The following CNTN5 variants were observed in gnomAD, a reference collection of about 807,000 sequenced individuals.
CNTN5 encodes the protein contactin 5, also known as contactin-5.
CNTN5 carries 77 observed loss-of-function variants against 129.1 expected under a neutral mutation model. That is an observed-to-expected ratio of 0.60 (90% CI 0.50 to 0.72). The LOEUF (loss-of-function observed/expected upper bound fraction) is 0.72. Ranked by LOEUF, CNTN5 falls within the 30% of genes least tolerant of loss-of-function variation. CNTN5 has a pLI of 0.00. For synonymous variants in CNTN5, 509 were observed against 465.6 expected (o/e 1.09, Z -1.20); for missense variants, 1,478 against 1,328.8 (o/e 1.11, Z -1.75).
intron 6 of CNTN5, among the ~76,000 whole-genome samples, chr11:99,902,781 C>A (rs1949392859): frequency 6.6e-6 from 1 of 151,914 alleles, no homozygotes. Context: ...GAGTATTACC[C>A]AAAGATTATT....
intron 6 of CNTN5, among the ~76,000 whole-genome samples, chr11:99,858,252 G>A (rs1422902107): frequency 6.6e-6 from 1 of 152,090 alleles, no homozygotes; most frequent in Admixed American, 6.6e-5. Flanking sequence ...TCTATAAACT[G>A]TCAGTAAAGA....
At chr11:99,071,880 C>T (rs766073555) in intron 1 of CNTN5, among the ~76,000 whole-genome samples, 8 of 151,912 alleles carry the variant, frequency 5.3e-5, no homozygotes, top group Non-Finnish European at 1.0e-4. Flanking sequence ...ACTCCAGCAT[C>T]AAAAACCTTC....
intron 2 of CNTN5, among the ~76,000 whole-genome samples, chr11:99,460,614 T>C (rs1301212494): frequency 6.6e-6 from 1 of 151,920 alleles, no homozygotes; most frequent in Non-Finnish European, 1.5e-5. Flanking sequence ...GTAAAAGACA[T>C]CCTCTGGCCA....
intron 6 of CNTN5, among the ~76,000 whole-genome samples, chr11:99,865,485 A>G (rs973110976): frequency 7.9e-5 from 12 of 151,854 alleles, no homozygotes; most frequent in Non-Finnish European, 2.9e-5. Flanking sequence ...CATGGCTTAT[A>G]AAATTATTAA....
At chr11:99,358,178 T>G (rs971120522) in intron 2 of CNTN5, among the ~76,000 whole-genome samples, 1 of 129,932 alleles carries the variant, frequency 7.7e-6, no homozygotes, top group Non-Finnish European at 1.6e-5. Context: ...AAGCTCCGCC[T>G]CCCAGGTTCA....
chr11:99,487,420 A>G (rs1301499727), intron 2 of CNTN5, among the ~76,000 whole-genome samples: 1 of 152,180 alleles, frequency 6.6e-6, no homozygotes, highest in East Asian at 1.9e-4. Flanking sequence ...CACAAATAAG[A>G]TGCTTCTTGT....
intron 8 of CNTN5, among the ~76,000 whole-genome samples, chr11:99,985,896 C>T (rs2137384687): frequency 6.6e-6 from 1 of 152,316 alleles, no homozygotes; most frequent in African/African-American, 2.4e-5. Context: ...TACCTCCAAG[C>T]TTCCCATGAA....
chr11:99,121,549 T>G (rs886938229), intron 1 of CNTN5, among the ~76,000 whole-genome samples: 4 of 152,004 alleles, frequency 2.6e-5, no homozygotes, highest in Admixed American at 2.6e-4. Context: ...AGTCTCAGCC[T>G]CCCAGGGCAG....
chr11:99,815,433 A>G (rs1238390813), intron 3 of CNTN5, among the ~76,000 whole-genome samples: 1 of 152,172 alleles, frequency 6.6e-6, no homozygotes, highest in Admixed American at 6.5e-5. Flanking sequence ...ACCAAGTTGG[A>G]GAGTTAAAAA....
At chr11:99,178,506 G>T (rs544136426) in intron 1 of CNTN5, among the ~76,000 whole-genome samples, 2 of 151,096 alleles carry the variant, frequency 1.3e-5, no homozygotes, top group Non-Finnish European at 3.0e-5. Flanking sequence ...GGGTGACAGA[G>T]TGAGACCTTG....
rs968003870 is a variant in CNTN5, at chr11:100,266,333, TTC to T, written c.2165-4753_2165-4752del. On this transcript the variant is annotated intron_variant, in intron 17 of 24. Coordinates refer to ENST00000524871, the MANE Select transcript of CNTN5 (RefSeq NM_014361.4). The stretch of plus-strand genomic sequence containing the variant: ...TCCACTGTCTTTCGTTGCTGTCATG[TTC>T]TCTCTGATGCACAATGTTTTCTTTG... 2.0e-4 allele frequency among the ~76,000 whole-genome samples: 31 copies of T among 152,160 alleles called. 1 individual carries two copies. Among genetic ancestry groups the T allele is most frequent in the African/African-American group, 7.0e-4 (29 of 41,454 alleles).
intron 3 of CNTN5, among the ~76,000 whole-genome samples, chr11:99,802,436 G>A (rs1402500020): frequency 1.3e-5 from 2 of 152,182 alleles, no homozygotes; most frequent in African/African-American, 4.8e-5. Context: ...GCAAGGGACT[G>A]CCATTAATAG....
At chr11:100,125,870 T>C (rs1946166422) in intron 13 of CNTN5, among the ~76,000 whole-genome samples, 1 of 152,084 alleles carries the variant, frequency 6.6e-6, no homozygotes, top group Non-Finnish European at 1.5e-5. Context: ...ATTATTGTTT[T>C]TTTAGTTTTT....
At chr11:100,275,339 T>C (rs939157808) in intron 18 of CNTN5, among the ~76,000 whole-genome samples, 1 of 152,248 alleles carries the variant, frequency 6.6e-6, no homozygotes, top group Non-Finnish European at 1.5e-5. Context: ...TTGTTCTTCA[T>C]TTTATGTACT....
intron 6 of CNTN5, among the ~76,000 whole-genome samples, chr11:99,870,080 G>A (rs1022701367): frequency 6.6e-6 from 1 of 152,102 alleles, no homozygotes; most frequent in Non-Finnish European, 1.5e-5. Context: ...ACTGGGAATA[G>A]CATAATAAAT....
intron 12 of CNTN5, among the ~76,000 whole-genome samples, 182 bp downstream of exon 12, chr11:100,072,016 C>T (rs10791145): frequency 0.22 from 33,764 of 151,554 alleles, 4,186 homozygotes; most frequent in East Asian, 0.41. Context: ...GTGTATAGTT[C>T]GTCCCATAAC....
At chr11:99,531,595 C>T (rs1037701564) in intron 2 of CNTN5, among the ~76,000 whole-genome samples, 14 of 152,170 alleles carry the variant, frequency 9.2e-5, no homozygotes, top group African/African-American at 3.4e-4. Flanking sequence ...AGGAGGAAAA[C>T]GTGGTTTCAC....
intron 21 of CNTN5, among the ~76,000 whole-genome samples, chr11:100,317,050 T>G (rs2187395): frequency 0.19 from 29,458 of 152,204 alleles, 3,978 homozygotes; most frequent in East Asian, 0.68. Context: ...AGAAGTTCAT[T>G]TTAGACATGT....
intron 3 of CNTN5, among the ~76,000 whole-genome samples, chr11:99,779,285 G>A (rs923513808): frequency 4.6e-5 from 7 of 151,774 alleles, no homozygotes; most frequent in African/African-American, 1.5e-4. Flanking sequence ...TCTCATCAAG[G>A]CATTTATTCA....
Sources: gnomAD v4.1 joint callset for allele counts (sites outside exome capture counted in the v4.1 genomes callset) on GRCh38, gnomAD v4.1.1 for gene constraint, MANE v1.5 for transcripts, NCBI Gene and HGNC (gene_info 2026-07-23, HGNC 2026-07-21) for gene names.